The following ACSL1 variants were observed in gnomAD, a reference collection of about 807,000 sequenced individuals.
ACSL1 encodes long-chain-fatty-acid--CoA ligase 1.
ACSL1 carries 41 observed loss-of-function variants against 98.4 expected under a neutral mutation model. That is an observed-to-expected ratio of 0.42 (90% CI 0.32 to 0.54). ACSL1 has a LOEUF of 0.54. ACSL1 is among the 20% of genes least tolerant of loss of function. The pLI, the probability that ACSL1 is intolerant of heterozygous loss-of-function variation, is 0.13. For missense variants in ACSL1, 734 were observed against 883.1 expected, an observed-to-expected ratio of 0.83 and a Z score of 2.14; for synonymous variants, 316 against 322.7, an observed-to-expected ratio of 0.98 and a Z score of 0.22.
chr4:184,802,779 C>T (rs1561233193), intron 2 of ACSL1, among the ~76,000 whole-genome samples: 2 of 152,306 alleles, frequency 1.3e-5, no homozygotes, highest in South Asian at 4.1e-4. Context: ...CAGCCAGACG[C>T]GCCTCTTGAG....
intron 2 of ACSL1, among the ~76,000 whole-genome samples, chr4:184,800,594 G>A (rs1019644762): frequency 1.4e-4 from 22 of 152,324 alleles, no homozygotes; most frequent in African/African-American, 5.1e-4. Context: ...ATTGCTCAAA[G>A]TCACAGAGCA....
intron 1 of ACSL1, among the ~76,000 whole-genome samples, chr4:184,812,973 G>A (rs1030219066): frequency 6.6e-6 from 1 of 152,050 alleles, no homozygotes; most frequent in South Asian, 2.1e-4. Flanking sequence ...GCTAGTGGGC[G>A]GCCACCTGAG....
intron 1 of ACSL1, among the ~76,000 whole-genome samples, chr4:184,822,025 T>C (rs1386220530): frequency 1.3e-5 from 2 of 152,256 alleles, no homozygotes; most frequent in Non-Finnish European, 2.9e-5. Flanking sequence ...ACAGCTTTTC[T>C]GTGGCAAGTG....
Position 184,776,655 on chromosome 4 carries a change from G to A in ACSL1, c.585C>T (p.Leu195=). Residue 195 remains leucine (L), a synonymous_variant, in exon 7 of 21, where the codon CTC becomes CTT. Coordinates refer to ENST00000281455, the MANE Select transcript of ACSL1 (RefSeq NM_001995.5). ...CTGGCTTGTCAACAAAAACCAGAGA[G>A]AGTTCAGCTGTAAATGAAGAGATAC... ...AITYIVNKAE[L]SLVFVDKPEK... The A allele has an allele frequency of 6.2e-7, 1 of 1,610,242 alleles. No individual in the cohort carries two copies. The highest frequency in any genetic ancestry group is 8.5e-7 in the Non-Finnish European group (1 of 1,179,624).
chr4:184,799,700 T>C (rs1417867022), intron 2 of ACSL1, among the ~76,000 whole-genome samples: 1 of 152,110 alleles, frequency 6.6e-6, no homozygotes, highest in Non-Finnish European at 1.5e-5. Flanking sequence ...TTTTTTTTAA[T>C]TAGCCAGGCA....
At chr4:184,784,312 T>A (rs1193396333) in intron 3 of ACSL1, among the ~76,000 whole-genome samples, 1 of 152,210 alleles carries the variant, frequency 6.6e-6, no homozygotes, top group African/African-American at 2.4e-5. Flanking sequence ...AGTCAGCAGA[T>A]GAGTGGTAAA....
chr4:184,763,018 C>T (rs1763072671), intron 16 of ACSL1, 149 bp downstream of exon 16: 1 of 759,784 alleles, frequency 1.3e-6, no homozygotes. Flanking sequence ...TAAATGTACC[C>T]TCAGAAAGAA....
At position 184,816,208 on chromosome 4, in the gene ACSL1, A is replaced by C. The variant is rs114168858; in HGVS notation, c.-33+9708T>G. ...GGACTGGACGCAGCCTGCAAAAAAC[A>C]TGGGACCCTGTTCTGGCCTCTGAAT... On this transcript the variant is annotated intron_variant, in intron 1 of 20. Coordinates refer to ENST00000281455, the MANE Select transcript of ACSL1 (RefSeq NM_001995.5). Among the ~76,000 whole-genome samples, 708 of 152,222 alleles carry C rather than the reference A, an allele frequency of 4.7e-3. 10 individuals carry two copies. The highest frequency in any genetic ancestry group is 0.016 in the African/African-American group (673 of 41,550).
intron 1 of ACSL1, among the ~76,000 whole-genome samples, chr4:184,817,170 G>A (rs1276371655): frequency 1.3e-5 from 2 of 152,074 alleles, no homozygotes; most frequent in Admixed American, 6.6e-5. Flanking sequence ...CCAGAGAGCA[G>A]TTTCTATTCC....
At chr4:184,758,991 C>G (rs890527118) in intron 18 of ACSL1, 1 of 6,680 alleles carries the variant, frequency 1.5e-4, no homozygotes, top group Admixed American at 2.2e-3. Flanking sequence ...TGAGTGACAA[C>G]ATGCAGTGTT....
chr4:184,777,781 AAGAGAG>A (rs59773222), intron 5 of ACSL1, among the ~76,000 whole-genome samples: 1 of 151,340 alleles, frequency 6.6e-6, no homozygotes, highest in African/African-American at 2.4e-5. Flanking sequence ...AAGAGAAAGA[AAGAGAG>A]AGAGAGAGAC....
chr4:184,802,912 C>T (rs1003380298), intron 2 of ACSL1, among the ~76,000 whole-genome samples: 3 of 152,200 alleles, frequency 2.0e-5, no homozygotes, highest in Non-Finnish European at 4.4e-5. Flanking sequence ...ATGTTCTAAG[C>T]GTCAGATGTA....
Position 184,773,689 on chromosome 4 carries a change from A to C in ACSL1, c.815T>G (p.Val272Gly). The change falls in exon 9 of 21, where the codon GTA becomes GGA. Residue 272 changes from valine (V) to glycine (G), a missense_variant. Coordinates refer to ENST00000281455, the MANE Select transcript of ACSL1 (RefSeq NM_001995.5). This position sits in a 1 kb window ranked among gnomAD's most constrained non-coding sequence, Gnocchi z 4.3. ...TGTAGTTCCACTTGTGAAACAAATT[A>C]CTGCAAGATCTTCAGGTGCTGGAGG... ...PKPPAPEDLA[V>G]ICFTSGTTGN... 6.2e-7 allele frequency: 1 copy of C among 1,612,202 alleles called. No homozygotes were observed. Among genetic ancestry groups the C allele is most frequent in the Non-Finnish European group, 8.5e-7 (1 of 1,179,410 alleles).
chr4:184,807,265 T>C (rs377594902), intron 1 of ACSL1, among the ~76,000 whole-genome samples: 4 of 152,254 alleles, frequency 2.6e-5, no homozygotes, highest in Admixed American at 6.5e-5. Context: ...CAAATTTCCA[T>C]ATAAACATCT....
intron 10 of ACSL1, among the ~76,000 whole-genome samples, chr4:184,771,568 A>T (rs1447737118): frequency 1.3e-5 from 2 of 152,236 alleles, no homozygotes; most frequent in Non-Finnish European, 2.9e-5. Context: ...AAGTTTGGAC[A>T]TCTGGTTTCC....
chr4:184,777,651 T>C (rs983863455), intron 5 of ACSL1, among the ~76,000 whole-genome samples: 1 of 151,932 alleles, frequency 6.6e-6, no homozygotes, highest in African/African-American at 2.4e-5. Context: ...GAGGCAAATA[T>C]GTTAAAAGAT....
chr4:184,756,422 G>A lies in ACSL1; in HGVS notation c.*703C>T, dbSNP rs1408071071. ...AGTCCAAGAGCATTCTGCCATGAAA[G>A]AGAATCCACGCGTTCTGATGAGCAC... On this transcript the variant is annotated 3_prime_UTR_variant, in exon 21 of 21. Transcript: ENST00000281455. 2.6e-5 allele frequency: 4 copies of A among 152,664 alleles called. No homozygotes were observed. The highest frequency in any genetic ancestry group is 4.8e-5 in the African/African-American group (2 of 41,462). The allele number at this position is 152,664 out of a possible 1,614,324, so 9.5% of individuals were successfully genotyped here.
chr4:184,784,711 AG>A (rs1415800765), intron 3 of ACSL1, among the ~76,000 whole-genome samples: 2 of 152,186 alleles, frequency 1.3e-5, no homozygotes, highest in African/African-American at 4.8e-5. Context: ...TGAGGACCTA[AG>A]GAAGTAGGAT....
At chr4:184,768,006 A>G (rs1763886743) in intron 12 of ACSL1, 9 of 435,712 alleles carry the variant, frequency 2.1e-5, no homozygotes, top group African/African-American at 2.0e-5. Context: ...GAAGAGGTAA[A>G]CAGTCCGTGT....
Sources: gnomAD v4.1 joint callset for allele counts (sites outside exome capture counted in the v4.1 genomes callset) on GRCh38, gnomAD v4.1.1 for gene constraint, Gnocchi (gnomAD v3.1) non-coding constraint, MANE v1.5 for transcripts, NCBI Gene and HGNC (gene_info 2026-07-23, HGNC 2026-07-21) for gene names.